Variants in NDST4 observed in about 807,000 individuals in gnomAD.
The protein encoded by NDST4 is N-heparan sulfate sulfotransferase 4.
NDST4 carries 63 observed loss-of-function variants against 100.8 expected under a neutral mutation model. That is an observed-to-expected ratio of 0.62 (90% CI 0.51 to 0.77). NDST4 has a LOEUF of 0.77. Among genes scored for constraint, NDST4 ranks in the 30% least tolerant of loss-of-function variants. NDST4 has a pLI of 0.00. For missense variants in NDST4, 943 were observed against 1,018.4 expected, an observed-to-expected ratio of 0.93 and a Z score of 1.01; for synonymous variants, 377 against 361.8, an observed-to-expected ratio of 1.04 and a Z score of -0.48.
chr4:114,837,761 G>T (rs1420347555), intron 11 of NDST4, among the ~76,000 whole-genome samples: 1 of 152,144 alleles, frequency 6.6e-6, no homozygotes, highest in Non-Finnish European at 1.5e-5. Flanking sequence ...CAGGACATAG[G>T]CATGGGCAAA....
At chr4:114,890,256 A>T (rs1724565557) in intron 6 of NDST4, among the ~76,000 whole-genome samples, 1 of 152,060 alleles carries the variant, frequency 6.6e-6, no homozygotes, top group Non-Finnish European at 1.5e-5. Flanking sequence ...TCCAGGTTGT[A>T]TTTTGGAGAA....
At chr4:114,898,478 G>T (rs942108971) in intron 6 of NDST4, among the ~76,000 whole-genome samples, 1 of 151,950 alleles carries the variant, frequency 6.6e-6, no homozygotes. Context: ...CCTTGAAGTC[G>T]GGTAGTGTCC....
chr4:114,838,328 C>T (rs1723346085), intron 11 of NDST4, among the ~76,000 whole-genome samples: 1 of 152,220 alleles, frequency 6.6e-6, no homozygotes, highest in African/African-American at 2.4e-5. Context: ...GGTATATACC[C>T]AAAAGATTAT....
intron 1 of NDST4, among the ~76,000 whole-genome samples, chr4:115,087,741 G>A (rs1339698572): frequency 1.3e-5 from 2 of 151,734 alleles, no homozygotes; most frequent in African/African-American, 4.8e-5. Context: ...CTGTTTAGAT[G>A]TAATATTATT....
chr4:114,866,542 C>G (rs1479247598), intron 7 of NDST4, among the ~76,000 whole-genome samples: 1 of 152,178 alleles, frequency 6.6e-6, no homozygotes, highest in Non-Finnish European at 1.5e-5. Context: ...TTTGTACACA[C>G]AGCCCTCTGC....
chr4:114,945,796 T>G (rs1291670134), intron 4 of NDST4, among the ~76,000 whole-genome samples: 1 of 152,164 alleles, frequency 6.6e-6, no homozygotes, highest in African/African-American at 2.4e-5. Flanking sequence ...ATCATTGATT[T>G]TCCACTGTGT....
intron 6 of NDST4, among the ~76,000 whole-genome samples, chr4:114,906,316 G>A (rs1325462206): frequency 2.0e-5 from 3 of 151,962 alleles, no homozygotes; most frequent in Non-Finnish European, 2.9e-5. Flanking sequence ...GATGATAAAA[G>A]TCCCTTCTAG....
chr4:115,052,662 C>T (rs907366581), intron 2 of NDST4, among the ~76,000 whole-genome samples: 2 of 152,216 alleles, frequency 1.3e-5, no homozygotes, highest in East Asian at 3.9e-4. Context: ...GATTGTGAGG[C>T]CTCCCTAGCC....
intron 1 of NDST4, among the ~76,000 whole-genome samples, chr4:115,110,704 G>A (rs1729936374): frequency 6.6e-6 from 1 of 151,842 alleles, no homozygotes; most frequent in Non-Finnish European, 1.5e-5. Context: ...GTATTTTATA[G>A]GAGTTTCTGG....
chr4:115,063,606 A>G (rs1448343460), intron 2 of NDST4, among the ~76,000 whole-genome samples: 2 of 151,504 alleles, frequency 1.3e-5, no homozygotes, highest in Non-Finnish European at 2.9e-5. Context: ...ATAGGAACAC[A>G]GTGGCTTTAG....
intron 6 of NDST4, among the ~76,000 whole-genome samples, chr4:114,934,498 T>C (rs1301946470): frequency 6.7e-6 from 1 of 149,524 alleles, no homozygotes; most frequent in African/African-American, 2.5e-5. Flanking sequence ...AGCTTGCAGC[T>C]AGCGGAGATC....
intron 2 of NDST4, among the ~76,000 whole-genome samples, chr4:115,006,136 T>C (rs900958252): frequency 2.1e-5 from 3 of 141,040 alleles, no homozygotes; most frequent in African/African-American, 7.9e-5. Context: ...AAGAAATAAA[T>C]AGGTATATGT....
chr4:114,924,001 T>C (rs1369951005), intron 6 of NDST4, among the ~76,000 whole-genome samples: 1 of 152,100 alleles, frequency 6.6e-6, no homozygotes, highest in Non-Finnish European at 1.5e-5. Flanking sequence ...GTGCAAATTG[T>C]ATTCCATCAG....
At chr4:114,958,884 A>G (rs1161233934) in intron 4 of NDST4, among the ~76,000 whole-genome samples, 1 of 152,138 alleles carries the variant, frequency 6.6e-6, no homozygotes, top group Non-Finnish European at 1.5e-5. Context: ...TTCCAATTCC[A>G]AACCATATCT....
chr4:115,014,755 A>T (rs1243347439), intron 2 of NDST4, among the ~76,000 whole-genome samples: 1 of 152,042 alleles, frequency 6.6e-6, no homozygotes, highest in Non-Finnish European at 1.5e-5. Context: ...ATTTTGGAGC[A>T]ATGCCTTGTC....
At chr4:115,075,678 G>T (rs510247) in intron 2 of NDST4, among the ~76,000 whole-genome samples, 25,775 of 151,240 alleles carry the variant, frequency 0.17, 2,623 homozygotes, top group East Asian at 0.46. Context: ...CCAGCTACTC[G>T]GGAGGCTGAG....
chr4:115,093,618 C>A (rs1729565218), intron 1 of NDST4, among the ~76,000 whole-genome samples: 1 of 151,988 alleles, frequency 6.6e-6, no homozygotes, highest in Non-Finnish European at 1.5e-5. Flanking sequence ...TTCCAAGCCC[C>A]AAATGGAGTC....
rs568553264 is a variant in NDST4, at chr4:115,034,065, C to T, written c.978+41994G>A. The stretch of plus-strand genomic sequence containing the variant: ...AAATGCCCTAACCACAAGTTCCTCT[C>T]CTCACTTTGCTCCAGAGGATAAGGT... On this transcript the variant is annotated intron_variant, in intron 2 of 13. Coordinates refer to ENST00000264363, the MANE Select transcript of NDST4 (RefSeq NM_022569.3). 7.2e-5 allele frequency among the ~76,000 whole-genome samples: 11 copies of T among 152,246 alleles called. No individual in the cohort carries two copies. The South Asian group carries it at 1.7e-3, about 23-fold the overall frequency.
chr4:115,080,691 A>AGT lies in NDST4; in HGVS notation c.-246-3411_-246-3410dup, dbSNP rs34472301. On this transcript the variant is annotated intron_variant, in intron 1 of 13. Transcript: ENST00000264363. ...ACATATATACATATATATAGTGTGT[A>AGT]GTGTGTGTGTGTGTGTGTAATAATG... Among the ~76,000 whole-genome samples the AGT allele has an allele frequency of 9.9e-4, 93 of 94,046 alleles. No individual in the cohort carries two copies. In the South Asian group the frequency reaches 0.015, roughly 15 times the overall value. 61.7% of individuals were successfully genotyped at this position (94,046 alleles called of 152,430 possible). A position where few individuals can be genotyped will look rare whatever the true frequency, so the allele number is the denominator to read the frequency against.
Sources: gnomAD v4.1 joint callset for allele counts (sites outside exome capture counted in the v4.1 genomes callset) on GRCh38, gnomAD v4.1.1 for gene constraint, MANE v1.5 for transcripts, NCBI Gene and HGNC (gene_info 2026-07-23, HGNC 2026-07-21) for gene names.